SPTA1: variants seen among roughly 807,000 people sequenced by gnomAD.
SPTA1 encodes spectrin alpha, erythrocytic 1.
A neutral mutation model predicts 324.7 loss-of-function variants in SPTA1; 177 were observed. The ratio of observed to expected loss-of-function variants is 0.55; its 90% CI spans 0.48 to 0.62. The LOEUF is 0.62. Ranked by LOEUF, SPTA1 falls within the 20% of genes least tolerant of loss-of-function variation. The pLI is 0.00. For missense variants in SPTA1, 3,162 were observed against 2,883.6 expected (o/e 1.10, Z -2.21); for synonymous variants, 1,195 against 1,041.3 (o/e 1.15, Z -2.84).
intron 5 of SPTA1, among the ~76,000 whole-genome samples, chr1:158,679,058 T>C (rs953075735): frequency 2.0e-5 from 3 of 152,096 alleles, no homozygotes; most frequent in Non-Finnish European, 4.4e-5. Flanking sequence ...CCATCCAAAG[T>C]AGTGAGATCT....
At chr1:158,633,989 C>G (rs1282699189) in intron 39 of SPTA1, among the ~76,000 whole-genome samples, 1 of 152,102 alleles carries the variant, frequency 6.6e-6, no homozygotes, top group Non-Finnish European at 1.5e-5. Flanking sequence ...GTTTTGTAAT[C>G]ACTCTCAAAA....
chr1:158,631,166 G>A (rs1481045996), intron 39 of SPTA1, among the ~76,000 whole-genome samples: 3 of 152,148 alleles, frequency 2.0e-5, no homozygotes, highest in African/African-American at 7.2e-5. Flanking sequence ...GCATACTTGT[G>A]TTTATAGCAG....
intron 24 of SPTA1, 34 bp from the exon 25 acceptor site, chr1:158,649,981 A>G: frequency 2.0e-6 from 3 of 1,467,414 alleles, no homozygotes; most frequent in Non-Finnish European, 2.9e-6. Context: ...CTTGAGACAG[A>G]GAACTAACTC....
At chr1:158,684,704 T>C (rs969799603) in intron 2 of SPTA1, among the ~76,000 whole-genome samples, 1 of 152,074 alleles carries the variant, frequency 6.6e-6, no homozygotes, top group African/African-American at 2.4e-5. Flanking sequence ...ATTGATGTAA[T>C]TTTTTACTTT....
intron 31 of SPTA1, 139 bp from the exon 32 acceptor site, chr1:158,643,115 G>A: frequency 7.6e-7 from 1 of 1,322,620 alleles, no homozygotes; most frequent in South Asian, 1.3e-5. Context: ...AAAATGCAGT[G>A]CTAAAGCCAG....
At position 158,613,850 on chromosome 1, in the gene SPTA1, A is replaced by G. The variant is rs1557918174; in HGVS notation, c.6860T>C (p.Leu2287Ser). Residue 2287 changes from leucine (L) to serine (S), a missense_variant, in exon 50 of 52, where the codon TTG becomes TCG. Coordinates refer to ENST00000643759, the MANE Select transcript of SPTA1 (RefSeq NM_003126.4). ...STIYKHFDENLTGRLTHKEFR... is the reference protein window; with the variant it reads ...STIYKHFDENSTGRLTHKEFR... ...CTCTTTGTGAGTCAGGCGCCCTGTC[A>G]AATTCTCATCAAAGTGTCTAAAGGA... 6.2e-7 allele frequency: 1 copy of G among 1,613,944 alleles called. No individual in the cohort carries two copies. Among genetic ancestry groups the G allele is most frequent in the Non-Finnish European group, 8.5e-7 (1 of 1,179,932 alleles).
chr1:158,677,914 G>A (rs1309436276), intron 6 of SPTA1, 80 bp from the exon 7 acceptor site: 3 of 1,574,062 alleles, frequency 1.9e-6, no homozygotes, highest in East Asian at 2.2e-5. Flanking sequence ...CTCACAGCAA[G>A]GACCATCCTA....
chr1:158,677,012 T>C (rs1654433879), intron 7 of SPTA1, among the ~76,000 whole-genome samples: 1 of 152,104 alleles, frequency 6.6e-6, no homozygotes, highest in South Asian at 2.1e-4. Context: ...TTGCAGAAAC[T>C]GGACACAGGG....
intron 10 of SPTA1, among the ~76,000 whole-genome samples, chr1:158,673,527 GC>G (rs1654176849): frequency 6.6e-6 from 1 of 152,196 alleles, no homozygotes; most frequent in African/African-American, 2.4e-5. Flanking sequence ...GTTATTTAAT[GC>G]AAATTTGAAA....
At chr1:158,653,230 T>C (rs745929379) in intron 22 of SPTA1, 44 bp downstream of exon 22, 12 of 1,613,630 alleles carry the variant, frequency 7.4e-6, no homozygotes, top group Non-Finnish European at 1.0e-5. Flanking sequence ...TGGCGAAAAA[T>C]GTCTGACCAA....
chr1:158,669,670 G>C (rs1653869756), intron 13 of SPTA1, 39 bp downstream of exon 13: 3 of 1,613,714 alleles, frequency 1.9e-6, no homozygotes, highest in Admixed American at 1.7e-5. Context: ...CTTGATTCTA[G>C]TGTGTAGGCA....
Position 158,635,805 on chromosome 1 carries a change from G to T in SPTA1, c.5432+108C>A, listed in dbSNP as rs1651024649. The T allele has an allele frequency of 3.3e-6, 5 of 1,514,656 alleles. No homozygotes were observed. The East Asian group carries it at 1.1e-4, about 34-fold the overall frequency. The allele number at this position is 1,514,656 out of a possible 1,614,324, so 93.8% of individuals were successfully genotyped here. ...AGAAGGGACTTAAGGAGATAGATAGGTAGTTGGGGATAGCAGACAATGCTG... is the reference window on the plus strand; with the variant it reads ...AGAAGGGACTTAAGGAGATAGATAGTTAGTTGGGGATAGCAGACAATGCTG... On this transcript the variant is annotated intron_variant, in intron 38 of 51. Coordinates refer to ENST00000643759, the MANE Select transcript of SPTA1 (RefSeq NM_003126.4).
intron 35 of SPTA1, among the ~76,000 whole-genome samples, chr1:158,638,745 CAAAA>C (rs34072412): frequency 3.3e-5 from 3 of 92,208 alleles, no homozygotes; most frequent in African/African-American, 4.2e-5. Context: ...GAGCTGGTAC[CAAAA>C]AAAAAAAAAA....
At chr1:158,677,926 T>A (rs1257432732) in intron 6 of SPTA1, 92 bp from the exon 7 acceptor site, 86 of 1,515,774 alleles carry the variant, frequency 5.7e-5, no homozygotes, top group Admixed American at 8.5e-5. Flanking sequence ...ACCATCCTAG[T>A]TGACCCAGGA....
At chr1:158,679,153 C>A (rs555800874) in intron 5 of SPTA1, among the ~76,000 whole-genome samples, 1 of 152,212 alleles carries the variant, frequency 6.6e-6, no homozygotes, top group South Asian at 2.1e-4. Context: ...AGTCTCCTTA[C>A]TCTTCCTGTC....
At chr1:158,666,186 C>A in intron 16 of SPTA1, 130 bp downstream of exon 16, 3 of 793,092 alleles carry the variant, frequency 3.8e-6, no homozygotes, top group Non-Finnish European at 6.3e-6. Context: ...GTGCTCAGAG[C>A]ATATACACCC....
At chr1:158,633,811 A>G (rs1650862159) in intron 39 of SPTA1, among the ~76,000 whole-genome samples, 1 of 152,158 alleles carries the variant, frequency 6.6e-6, no homozygotes, top group South Asian at 2.1e-4. Context: ...AAATAAGATG[A>G]GCTGATAATT....
At chr1:158,616,436 C>T (rs1194793667) in intron 47 of SPTA1, among the ~76,000 whole-genome samples, 1 of 151,794 alleles carries the variant, frequency 6.6e-6, no homozygotes, top group Admixed American at 6.6e-5. Context: ...CTAGTAATCT[C>T]CAATATACTC....
In SPTA1 at chr1:158,620,530, T is replaced by C; in HGVS notation, c.6121-64A>G. 2.5e-6 allele frequency: 4 copies of C among 1,597,308 alleles called. No homozygotes were observed. The South Asian group carries it at 3.4e-5, about 13-fold the overall frequency. ...TAAAGCCTCTCAGCAGAAGAGAAGATTGAGGATAAAAATAATGCCTGTCTT... is the reference window on the plus strand; with the variant it reads ...TAAAGCCTCTCAGCAGAAGAGAAGACTGAGGATAAAAATAATGCCTGTCTT... On this transcript the variant is annotated intron_variant, in intron 43 of 51. Transcript: ENST00000643759.
Sources: gnomAD v4.1 joint callset for allele counts (sites outside exome capture counted in the v4.1 genomes callset) on GRCh38, gnomAD v4.1.1 for gene constraint, MANE v1.5 for transcripts, NCBI Gene and HGNC (gene_info 2026-07-23, HGNC 2026-07-21) for gene names.